The following KLHL32 variants were observed in gnomAD, a reference collection of about 807,000 sequenced individuals.
KLHL32 encodes the protein kelch like family member 32.
In KLHL32, 35 loss-of-function variants were observed where a neutral mutation model predicts 64.8. The ratio of observed to expected loss-of-function variants is 0.54; its 90% CI spans 0.41 to 0.72. The LOEUF (loss-of-function observed/expected upper bound fraction) is 0.72, where lower values mean the gene tolerates loss of function less well. Ranked by LOEUF, KLHL32 falls within the 30% of genes least tolerant of loss-of-function variation. The probability of loss-of-function intolerance (pLI) is 0.00; values close to 1 mark genes in which losing one functional copy is unlikely to be tolerated. For missense variants in KLHL32, 589 were observed against 768.5 expected (o/e 0.77, Z 2.76); for synonymous variants, 259 against 281.0 (o/e 0.92, Z 0.78).
intron 3 of KLHL32, among the ~76,000 whole-genome samples, chr6:96,982,236 G>C (rs1263678956): frequency 6.6e-6 from 1 of 152,158 alleles, no homozygotes; most frequent in Non-Finnish European, 1.5e-5. Context: ...GAGTGCTCCT[G>C]TGTTGCGTGA....
intron 1 of KLHL32, among the ~76,000 whole-genome samples, chr6:96,951,966 T>C (rs1452864391): frequency 6.6e-6 from 1 of 152,210 alleles, no homozygotes; most frequent in Non-Finnish European, 1.5e-5. Flanking sequence ...ACTGTCTGTG[T>C]GAAGTTTGCA....
chr6:96,984,839 G>T (rs1323560938), intron 3 of KLHL32, among the ~76,000 whole-genome samples: 1 of 152,144 alleles, frequency 6.6e-6, no homozygotes, highest in African/African-American at 2.4e-5. Context: ...TTGCCAGTCT[G>T]TGTCTTTTAA....
intron 3 of KLHL32, among the ~76,000 whole-genome samples, chr6:96,984,544 A>G (rs374059553): frequency 1.3e-5 from 2 of 152,260 alleles, no homozygotes; most frequent in South Asian, 2.1e-4. Flanking sequence ...GACTTGCTTT[A>G]TGAATCTGGG....
intron 3 of KLHL32, among the ~76,000 whole-genome samples, chr6:97,035,695 A>G (rs1784191457): frequency 6.6e-6 from 1 of 152,106 alleles, no homozygotes; most frequent in Admixed American, 6.5e-5. Flanking sequence ...AAAAAAATCC[A>G]CTGATGTCTT....
chr6:97,137,998 A>G (rs1027529962), intron 10 of KLHL32, among the ~76,000 whole-genome samples: 4 of 152,242 alleles, frequency 2.6e-5, no homozygotes, highest in Non-Finnish European at 5.9e-5. Context: ...GGATTGCAAT[A>G]TGATAATGTC....
intron 7 of KLHL32, among the ~76,000 whole-genome samples, chr6:97,118,699 A>T (rs1375912409): frequency 6.6e-6 from 1 of 151,854 alleles, no homozygotes; most frequent in Admixed American, 6.6e-5. Context: ...TGGTGCACTG[A>T]GACCACAGAC....
chr6:96,980,927 TTACAATCA>T (rs1264875579), intron 3 of KLHL32, among the ~76,000 whole-genome samples: 3 of 151,634 alleles, frequency 2.0e-5, no homozygotes, highest in Non-Finnish European at 4.4e-5. Context: ...CTCAATAAAC[TTACAATCA>T]TGGCAGAAGG....
intron 6 of KLHL32, among the ~76,000 whole-genome samples, chr6:97,103,033 A>G (rs1795934027): frequency 6.6e-6 from 1 of 151,564 alleles, no homozygotes; most frequent in African/African-American, 2.4e-5. Flanking sequence ...TACGAGGTAA[A>G]TAAATATAAA....
At chr6:96,899,345 A>G in the KLHL32 span, among the ~76,000 whole-genome samples, 5 of 152,210 alleles carry the variant, frequency 3.3e-5, no homozygotes, top group African/African-American at 9.6e-5. Context: ...ATGGGTGCTA[A>G]GAAATTTTAA....
At chr6:97,067,449 G>T (rs1445605586) in intron 5 of KLHL32, among the ~76,000 whole-genome samples, 1 of 152,128 alleles carries the variant, frequency 6.6e-6, no homozygotes, top group Non-Finnish European at 1.5e-5. Context: ...TGATGGGGGG[G>T]TGCCTTTCTT....
intron 1 of KLHL32, among the ~76,000 whole-genome samples, chr6:96,928,614 A>C (rs1407470664): frequency 1.3e-5 from 2 of 152,182 alleles, no homozygotes; most frequent in Non-Finnish European, 2.9e-5. Flanking sequence ...CACACAATAA[A>C]TACCCATAAA....
chr6:97,115,576 C>T (rs2128211874), intron 7 of KLHL32, among the ~76,000 whole-genome samples: 1 of 152,358 alleles, frequency 6.6e-6, no homozygotes. Flanking sequence ...AGACCCATCA[C>T]ACCCCTCTGG....
intron 6 of KLHL32, among the ~76,000 whole-genome samples, chr6:97,091,981 C>CTTTT (rs11340950): frequency 2.1e-4 from 28 of 132,362 alleles, no homozygotes; most frequent in East Asian, 4.3e-4. Context: ...CTCTTTCTTT[C>CTTTT]TTTTTTTTTT....
At chr6:96,956,331 G>A (rs1469840854) in intron 1 of KLHL32, among the ~76,000 whole-genome samples, 3 of 152,306 alleles carry the variant, frequency 2.0e-5, no homozygotes, top group African/African-American at 7.2e-5. Context: ...GTGGAGAAAT[G>A]TAGTAACTTC....
chr6:96,955,139 CA>C (rs1252180272), intron 1 of KLHL32, among the ~76,000 whole-genome samples: 3 of 152,184 alleles, frequency 2.0e-5, no homozygotes, highest in Non-Finnish European at 4.4e-5. Flanking sequence ...AATTACCTCC[CA>C]AAGGCTCCAC....
At chr6:97,106,702 C>A (rs575844881) in intron 6 of KLHL32, among the ~76,000 whole-genome samples, 126 of 151,620 alleles carry the variant, frequency 8.3e-4, no homozygotes, top group African/African-American at 2.9e-3. Flanking sequence ...TGAGATTGCG[C>A]CACTGCACTC....
At chr6:96,982,432 C>A (rs1312483582) in intron 3 of KLHL32, among the ~76,000 whole-genome samples, 1 of 152,042 alleles carries the variant, frequency 6.6e-6, no homozygotes, top group Non-Finnish European at 1.5e-5. Flanking sequence ...TACATTGAGC[C>A]TTTGGGGGTC....
Position 97,072,934 on chromosome 6 carries a change from C to G in KLHL32, c.411+8208C>G, listed in dbSNP as rs1377228250. ...ACAAGTTACTTAACCTCTTTGCCCC[C>G]CAACTCCTCATCTGTGAAATACAGA... On this transcript the variant is annotated intron_variant, in intron 5 of 10. Coordinates refer to ENST00000369261, the MANE Select transcript of KLHL32 (RefSeq NM_052904.4). Among the ~76,000 whole-genome samples, 3 of 152,166 alleles carry G rather than the reference C, an allele frequency of 2.0e-5. No individual in the cohort carries two copies. The East Asian group carries it at 5.8e-4, about 29-fold the overall frequency.
intron 1 of KLHL32, among the ~76,000 whole-genome samples, chr6:96,961,569 C>A (rs867749380): frequency 6.6e-6 from 1 of 152,148 alleles, no homozygotes; most frequent in Non-Finnish European, 1.5e-5. Flanking sequence ...AAAGAAAAGA[C>A]TTTATTCACA....
Sources: allele counts gnomAD v4.1 joint callset (sites outside exome capture counted in the v4.1 genomes callset), GRCh38; gene constraint gnomAD v4.1.1; transcripts MANE v1.5; gene names NCBI Gene and HGNC (gene_info 2026-07-23, HGNC 2026-07-21).